COL19A1: variants seen among roughly 807,000 people sequenced by gnomAD.
The protein encoded by COL19A1 is collagen alpha-1(XIX) chain.
COL19A1 carries 159 observed loss-of-function variants against 190.2 expected under a neutral mutation model. The observed-to-expected ratio is 0.84, with a 90% CI of 0.73 to 0.95. COL19A1 has a LOEUF of 0.95. Among genes scored for constraint, COL19A1 ranks in the 40% least tolerant of loss-of-function variants. COL19A1 has a pLI of 0.00. For synonymous variants in COL19A1, 509 were observed against 458.9 expected, an observed-to-expected ratio of 1.11 and a Z score of -1.39; for missense variants, 1,418 against 1,431.9, an observed-to-expected ratio of 0.99 and a Z score of 0.16.
intron 16 of COL19A1, among the ~76,000 whole-genome samples, chr6:70,106,919 C>T (rs1460991911): frequency 6.6e-6 from 1 of 152,228 alleles, no homozygotes; most frequent in Non-Finnish European, 1.5e-5. Flanking sequence ...ATAGCACTAA[C>T]TCCTGAGGAA....
At position 69,929,418 on chromosome 6, in the gene COL19A1, T is replaced by A; in HGVS notation, c.391-7T>A. The A allele has an allele frequency of 6.2e-7, 1 of 1,607,802 alleles. No homozygotes were observed. Among genetic ancestry groups the A allele is most frequent in the African/African-American group, 1.3e-5 (1 of 74,672 alleles). On this transcript the variant is annotated splice_region_variant and splice_polypyrimidine_tract_variant and intron_variant, in intron 5 of 50. Transcript: ENST00000620364. ...AAAACATTTAAAGATACTTTACATT[T>A]TTGCAGATTTCTATAGTAGTTGATG...
chr6:69,956,061 G>A (rs867763646), intron 9 of COL19A1, among the ~76,000 whole-genome samples: 1 of 151,844 alleles, frequency 6.6e-6, no homozygotes, highest in Non-Finnish European at 1.5e-5. Flanking sequence ...TTAAATTTAA[G>A]AATGCCCATC....
intron 14 of COL19A1, among the ~76,000 whole-genome samples, chr6:70,062,565 GCAT>G (rs1380187899): frequency 6.6e-6 from 1 of 152,104 alleles, no homozygotes; most frequent in African/African-American, 2.4e-5. Context: ...GGAAGAAACT[GCAT>G]CAACTAACGA....
intron 14 of COL19A1, among the ~76,000 whole-genome samples, chr6:70,037,033 T>C (rs900160902): frequency 6.6e-6 from 1 of 152,216 alleles, no homozygotes; most frequent in Non-Finnish European, 1.5e-5. Flanking sequence ...TGGGGATAAC[T>C]CATTCAATTT....
intron 35 of COL19A1, 78 bp downstream of exon 35, chr6:70,162,031 G>A (rs1787841165): frequency 8.1e-6 from 11 of 1,353,766 alleles, no homozygotes; most frequent in Non-Finnish European, 1.1e-5. Flanking sequence ...TTTCTTCATT[G>A]CCTTTTGTTC....
At chr6:69,880,379 C>A (rs897563876) in intron 2 of COL19A1, among the ~76,000 whole-genome samples, 1 of 152,120 alleles carries the variant, frequency 6.6e-6, no homozygotes, top group Admixed American at 6.5e-5. Context: ...ATTGGAGAAG[C>A]CATTTGCTAG....
At chr6:69,975,912 A>G (rs1408631645) in intron 11 of COL19A1, among the ~76,000 whole-genome samples, 2 of 152,170 alleles carry the variant, frequency 1.3e-5, no homozygotes, top group African/African-American at 4.8e-5. Context: ...TTTATCAAAC[A>G]CATCCTAAGA....
At chr6:69,908,643 T>C (rs1770708648) in intron 4 of COL19A1, among the ~76,000 whole-genome samples, 1 of 152,204 alleles carries the variant, frequency 6.6e-6, no homozygotes, top group Non-Finnish European at 1.5e-5. Flanking sequence ...AGATGTAATG[T>C]AATATGAAAT....
At chr6:70,146,197 C>T (rs1249901403) in intron 25 of COL19A1, among the ~76,000 whole-genome samples, 4 of 152,032 alleles carry the variant, frequency 2.6e-5, no homozygotes, top group Non-Finnish European at 5.9e-5. Flanking sequence ...CATAAACGTT[C>T]CTAGGGCAGT....
In COL19A1 at chr6:70,209,084, G is replaced by A. The variant is rs558302117; in HGVS notation, c.*1810G>A. On this transcript the variant is annotated 3_prime_UTR_variant, in exon 51 of 51. Transcript: ENST00000620364. ...TGTGCAATACCTACAATGGTGCTGT[G>A]TTTTAAACTTACACAATTGGGACAT... is the stretch of plus-strand genomic sequence containing the variant. 1.9e-3 allele frequency: 293 copies of A among 150,520 alleles called. No individual in the cohort carries two copies. The highest frequency in any genetic ancestry group is 6.9e-3 in the African/African-American group (281 of 40,822). 9.3% of individuals were successfully genotyped at this position (150,520 alleles called of 1,614,324 possible).
intron 1 of COL19A1, among the ~76,000 whole-genome samples, chr6:69,876,925 G>C (rs564900939): frequency 6.6e-6 from 1 of 152,184 alleles, no homozygotes; most frequent in Non-Finnish European, 1.5e-5. Context: ...TATTTAGAAT[G>C]ACACATACAG....
chr6:70,212,254 G>A lies in COL19A1; in HGVS notation c.*4980G>A, dbSNP rs532876342. Among the ~76,000 whole-genome samples, 1 of 152,206 alleles carries A rather than the reference G, an allele frequency of 6.6e-6. No homozygotes were observed. Among genetic ancestry groups the A allele is most frequent in the South Asian group, 2.1e-4 (1 of 4,816 alleles). ...TATTTATTTTTAAATAACATTTAGG[G>A]TGTGTTTTCCCCCATTTTGTTTGTT... On this transcript the variant is annotated 3_prime_UTR_variant, in exon 51 of 51. Coordinates refer to ENST00000620364, the MANE Select transcript of COL19A1 (RefSeq NM_001858.6).
In COL19A1 at chr6:69,927,976, G is replaced by A. The variant is rs754662807; in HGVS notation, c.334G>A (p.Ala112Thr). 4 of 1,613,220 alleles carry A rather than the reference G, an allele frequency of 2.5e-6. No homozygotes were observed. The highest frequency in any genetic ancestry group is 2.7e-5 in the African/African-American group (2 of 74,968). ...VAAMFRVRRN[A>T]KKERWFLWQV... ...TGCCATGTTTCGAGTACGAAGAAAC[G>A]CCAAAAAGGAACGGTGGTTTCTGTG... Residue 112 changes from alanine (A) to threonine (T), a missense_variant, in exon 5 of 51, where the codon GCC becomes ACC. Transcript: ENST00000620364.
intron 11 of COL19A1, among the ~76,000 whole-genome samples, chr6:69,969,439 G>A (rs759940345): frequency 3.3e-5 from 5 of 151,942 alleles, no homozygotes; most frequent in African/African-American, 4.8e-5. Context: ...TCTTATCTAC[G>A]TTCATTCATA....
At chr6:70,195,913 T>C (rs1767168219) in intron 48 of COL19A1, among the ~76,000 whole-genome samples, 1 of 152,232 alleles carries the variant, frequency 6.6e-6, no homozygotes, top group Non-Finnish European at 1.5e-5. Context: ...CCCCCATTCT[T>C]GTCTGTTTAG....
chr6:69,957,019 T>C (rs936660582), intron 9 of COL19A1, among the ~76,000 whole-genome samples: 4 of 152,092 alleles, frequency 2.6e-5, no homozygotes, highest in Non-Finnish European at 5.9e-5. Flanking sequence ...TTATTTGCAA[T>C]TTTTTTGTTT....
At position 70,145,004 on chromosome 6, in the gene COL19A1, AC is replaced by A; in HGVS notation, c.1769del (p.Pro590GlnfsTer3). ...GPPGKSLPGEPGLDGNPGAPG... is the reference protein window; with the variant it reads ...GPPGKSLPGEXGLDGNPGAPG... ...CTCCAGGGAAAAGCCTGCCAGGGGA[AC>A]CAGTAAGTATTAGCCCTTTTGTTAA... On this transcript the variant is annotated frameshift_variant and splice_region_variant, in exon 25 of 51. Coordinates refer to ENST00000620364, the MANE Select transcript of COL19A1 (RefSeq NM_001858.6). LOFTEE classifies it high-confidence loss of function. 1 of 1,579,618 alleles carries A rather than the reference AC, an allele frequency of 6.3e-7. No individual in the cohort carries two copies.
intron 2 of COL19A1, among the ~76,000 whole-genome samples, chr6:69,882,400 C>G (rs1044593043): frequency 1.3e-5 from 2 of 152,116 alleles, no homozygotes; most frequent in African/African-American, 4.8e-5. Flanking sequence ...AGTTACTTGT[C>G]AAAAGAAGGT....
At position 70,061,550 on chromosome 6, in the gene COL19A1, T is replaced by A. The variant is rs75276068; in HGVS notation, c.1171-6873T>A. On this transcript the variant is annotated intron_variant, in intron 14 of 50. Coordinates refer to ENST00000620364, the MANE Select transcript of COL19A1 (RefSeq NM_001858.6). ...GATTATCATAAATATTTTTTGCGTT[T>A]GTTAAATACATTCCAAATCAAATAT... is the stretch of plus-strand genomic sequence containing the variant. 9.0e-3 allele frequency among the ~76,000 whole-genome samples: 1,371 copies of A among 152,262 alleles called. 15 individuals carry two copies. Among genetic ancestry groups the A allele is most frequent in the African/African-American group, 0.031 (1,308 of 41,556 alleles).
Sources: gnomAD v4.1 joint callset for allele counts (sites outside exome capture counted in the v4.1 genomes callset) on GRCh38, gnomAD v4.1.1 for gene constraint, MANE v1.5 for transcripts, NCBI Gene and HGNC (gene_info 2026-07-23, HGNC 2026-07-21) for gene names.